The following KCNT1 variants were observed in gnomAD, a reference collection of about 807,000 sequenced individuals.
KCNT1 encodes the protein potassium sodium-activated channel subfamily T member 1, also known as potassium channel subfamily T member 1.
A neutral mutation model predicts 147.8 loss-of-function variants in KCNT1; 78 were observed. The observed-to-expected ratio is 0.53, with a 90% confidence interval of 0.44 to 0.64. The LOEUF is 0.64. Among genes scored for constraint, KCNT1 ranks in the 30% least tolerant of loss-of-function variants. The probability of loss-of-function intolerance (pLI) is 0.00; values close to 1 mark genes in which losing one functional copy is unlikely to be tolerated. For missense variants in KCNT1, 1,419 were observed against 1,750.3 expected, an observed-to-expected ratio of 0.81 and a Z score of 3.38; for synonymous variants, 867 against 748.8, an observed-to-expected ratio of 1.16 and a Z score of -2.58.
chr9:135,711,444 G>T (rs1197324232), intron 1 of KCNT1, among the ~76,000 whole-genome samples: 2 of 152,218 alleles, frequency 1.3e-5, no homozygotes, highest in African/African-American at 4.8e-5. Context: ...TGGGCTCTGG[G>T]AGCCACTTGT....
Position 135,750,141 on chromosome 9 carries a change from C to G in KCNT1, c.298C>G (p.Arg100Gly). Residue 100 changes from arginine to glycine, a missense_variant, in exon 3 of 31, where the codon CGG (arginine) becomes GGG (glycine). Physicochemically the swap from Arg to Gly is moderately radical, Grantham distance 125. Coordinates refer to ENST00000371757, the MANE Select transcript of KCNT1 (RefSeq NM_020822.3). Reference sequence around the variant, plus strand: ...CGTCAACGAGAACACCTTCAAGGAGCGGCTCAAGCTGTTCTTCATCAAAAA... The same window carrying G: ...CGTCAACGAGAACACCTTCAAGGAGGGGCTCAAGCTGTTCTTCATCAAAAA... ...FYVNENTFKERLKLFFIKNQR... is the reference protein window; with the variant it reads ...FYVNENTFKEGLKLFFIKNQR... The G allele has an allele frequency of 6.2e-7, 1 of 1,613,686 alleles. No homozygotes were observed. The highest frequency in any genetic ancestry group is 8.5e-7 in the Non-Finnish European group (1 of 1,179,932).
intron 11 of KCNT1, among the ~76,000 whole-genome samples, chr9:135,764,639 C>A (rs367745165): frequency 2.6e-5 from 4 of 152,190 alleles, no homozygotes; most frequent in Non-Finnish European, 4.4e-5. Flanking sequence ...CACCTGCCCC[C>A]CAGACATAGG....
intron 20 of KCNT1, among the ~76,000 whole-genome samples, chr9:135,776,514 A>G (rs769597096): frequency 2.0e-5 from 3 of 151,992 alleles, no homozygotes; most frequent in Non-Finnish European, 4.4e-5. Context: ...TGATCCTCCC[A>G]CCTCGGCCTC....
chr9:135,714,918 C>T lies in KCNT1; in HGVS notation c.254+198C>T, dbSNP rs975059305. 3.9e-5 allele frequency among the ~76,000 whole-genome samples: 6 copies of T among 152,194 alleles called. No individual in the cohort carries two copies. Among genetic ancestry groups the T allele is most frequent in the African/African-American group, 1.2e-4 (5 of 41,454 alleles). ...GAAGCATCTTCTCGGGAGGGGGTCT[C>T]CGGAGGAGGGCGCGGGATGCTCGGA... On this transcript the variant is annotated intron_variant, in intron 2 of 30. Transcript: ENST00000371757. The surrounding 1 kb of genome is among the most constrained non-coding windows in gnomAD (Gnocchi z 6.2).
chr9:135,768,476 C>G, intron 13 of KCNT1, 134 bp from the exon 14 acceptor site: 1 of 640,150 alleles, frequency 1.6e-6, no homozygotes, highest in Non-Finnish European at 2.8e-6. Context: ...TCCAGCCGTC[C>G]TCTCAGTCTC....
intron 2 of KCNT1, among the ~76,000 whole-genome samples, chr9:135,745,594 C>T (rs1027877916): frequency 5.9e-5 from 9 of 152,230 alleles, no homozygotes; most frequent in African/African-American, 1.7e-4. Context: ...TGAGCAAGGG[C>T]GTCGTCCCAA....
At position 135,702,284 on chromosome 9, in the gene KCNT1, C is replaced by A. The variant is rs771423997; in HGVS notation, c.26C>A (p.Thr9Asn). MPLPDGAR[T>N]PGGVCREARG... ...ATGCCACTCCCTGACGGGGCGCGGA[C>A]CCCGGGGGGCGTCTGCCGGGAGGCG... is the stretch of plus-strand genomic sequence containing the variant. Residue 9 changes from threonine (T) to asparagine (N), a missense_variant, in exon 1 of 31, where the codon ACC (threonine) becomes AAC (asparagine). By Grantham distance (65) the Thr-to-Asn change is moderately conservative (BLOSUM62 0). Around this residue, in one of 5 missense-constraint regions of KCNT1, gnomAD observed 181 missense variants for 155.7 expected, o/e 1.16. Transcript: ENST00000371757. 4 of 1,609,068 alleles carry A rather than the reference C, an allele frequency of 2.5e-6. No homozygotes were observed. The highest frequency in any genetic ancestry group is 1.7e-4 in the Middle Eastern group (1 of 6,030).
chr9:135,722,727 C>T lies in KCNT1; in HGVS notation c.254+8007C>T, dbSNP rs201309218. Among the ~76,000 whole-genome samples, 181 of 152,316 alleles carry T rather than the reference C, an allele frequency of 1.2e-3. 2 individuals carry two copies. The highest frequency in any genetic ancestry group is 4.0e-3 in the African/African-American group (167 of 41,572). ...GCTTGCACGTGGCGTCTTCTCACTG[C>T]GCCCACGGGGCAGAGAATGCAGGCT... On this transcript the variant is annotated intron_variant, in intron 2 of 30. Transcript: ENST00000371757.
chr9:135,763,491 C>G (rs1343515259), intron 11 of KCNT1, among the ~76,000 whole-genome samples: 3 of 152,222 alleles, frequency 2.0e-5, no homozygotes. Context: ...TATCCTCCGC[C>G]AGCCCTGGAG....
Position 135,714,616 on chromosome 9 carries a change from C to A in KCNT1, c.150C>A (p.Ala50=), listed in dbSNP as rs761304952. The A allele has an allele frequency of 1.4e-6, 2 of 1,451,442 alleles. No homozygotes were observed. Among genetic ancestry groups the A allele is most frequent in the Admixed American group, 4.1e-5 (2 of 48,578 alleles). 89.9% of individuals were successfully genotyped at this position (1,451,442 alleles called of 1,614,324 possible). ...CAGDGALLDT[A]GFKMSDLDSE... ...GGGACGGCGCGCTCCTGGACACCGC[C>A]GGCTTCAAGATGAGCGACCTGGACT... is the stretch of plus-strand genomic sequence containing the variant. The change falls in exon 2 of 31, where the codon GCC becomes GCA. Residue 50 remains alanine (A), a synonymous_variant. Transcript: ENST00000371757. The surrounding 1 kb of genome is among the most constrained non-coding windows in gnomAD (Gnocchi z 6.2).
intron 10 of KCNT1, among the ~76,000 whole-genome samples, chr9:135,758,849 G>A (rs1316753171): frequency 1.3e-5 from 2 of 152,256 alleles, no homozygotes; most frequent in Non-Finnish European, 2.9e-5. Flanking sequence ...GCAGGGTCTG[G>A]AGGCAGCCAG....
intron 2 of KCNT1, among the ~76,000 whole-genome samples, chr9:135,745,158 A>T (rs1830758821): frequency 6.6e-6 from 1 of 152,182 alleles, no homozygotes; most frequent in South Asian, 2.1e-4. Context: ...CAAATGAGTG[A>T]ACTGATGAGT....
chr9:135,769,529 G>T (rs1406492251), intron 15 of KCNT1, among the ~76,000 whole-genome samples: 1 of 152,198 alleles, frequency 6.6e-6, no homozygotes, highest in Non-Finnish European at 1.5e-5. Context: ...GGTCAGTGAA[G>T]GCAGGGTCAG....
chr9:135,785,823 A>T (rs766798374), intron 28 of KCNT1: 50 of 422,360 alleles, frequency 1.2e-4, no homozygotes, highest in Non-Finnish European at 2.0e-4. Context: ...TGACACGCAG[A>T]GGGGGTGACC....
chr9:135,729,020 T>C (rs1003465004), intron 2 of KCNT1, among the ~76,000 whole-genome samples: 2 of 152,130 alleles, frequency 1.3e-5, no homozygotes, highest in African/African-American at 4.8e-5. Context: ...TCTTTAGAGG[T>C]AATTAAGGTG....
chr9:135,710,553 G>A lies in KCNT1; in HGVS notation c.111-4024G>A, dbSNP rs111316675. 5.3e-3 allele frequency among the ~76,000 whole-genome samples: 801 copies of A among 152,226 alleles called. 11 individuals are homozygous for A. Among genetic ancestry groups the A allele is most frequent in the Admixed American group, 0.024 (374 of 15,288 alleles). On this transcript the variant is annotated intron_variant, in intron 1 of 30. Transcript: ENST00000371757. ...TACCATAGGACGAGGAGTGCCCCCC[G>A]CCTCCTTTCTCAAGCCTGGATTCCA... is the stretch of plus-strand genomic sequence containing the variant.
intron 23 of KCNT1, 117 bp from the exon 24 acceptor site, chr9:135,779,242 C>T (rs943043048): frequency 2.9e-5 from 19 of 648,348 alleles, no homozygotes; most frequent in Admixed American, 2.2e-5. Flanking sequence ...CCCTGAGACC[C>T]CCCCACAGCC....
intron 2 of KCNT1, among the ~76,000 whole-genome samples, chr9:135,715,392 T>C (rs1835683023): frequency 6.6e-6 from 1 of 152,256 alleles, no homozygotes; most frequent in Non-Finnish European, 1.5e-5. Context: ...CCCAGCACTT[T>C]AGCTCTGCCA....
At chr9:135,742,173 C>G (rs1233239373) in intron 2 of KCNT1, among the ~76,000 whole-genome samples, 2 of 152,222 alleles carry the variant, frequency 1.3e-5, no homozygotes, top group South Asian at 4.1e-4. Context: ...CCTGGCTTGT[C>G]CTATCGCAGG....
Sources: allele counts gnomAD v4.1 joint callset (sites outside exome capture counted in the v4.1 genomes callset), GRCh38; gene constraint gnomAD v4.1.1; regional missense constraint gnomAD v4.1.1; non-coding constraint Gnocchi (gnomAD v3.1); transcripts MANE v1.5; gene names NCBI Gene and HGNC (gene_info 2026-07-23, HGNC 2026-07-21).